The following VMP1 variants were observed in gnomAD, a reference collection of about 807,000 sequenced individuals.
VMP1 encodes the protein ectopic P-granules autophagy protein 3 homolog.
VMP1 carries 11 observed loss-of-function variants against 56.0 expected under a neutral mutation model. The observed-to-expected ratio is 0.20, with a 90% CI of 0.12 to 0.32. The LOEUF (loss-of-function observed/expected upper bound fraction) is 0.32, where lower values mean the gene tolerates loss of function less well. Ranked by LOEUF, VMP1 falls within the 10% of genes least tolerant of loss-of-function variation. The pLI is 1.00. For synonymous variants in VMP1, 149 were observed against 165.0 expected (o/e 0.90, Z 0.74); for missense variants, 296 against 490.3 (o/e 0.60, Z 3.74).
intron 6 of VMP1, among the ~76,000 whole-genome samples, chr17:59,767,994 C>T (rs2036290536): frequency 6.6e-6 from 1 of 151,870 alleles, no homozygotes; most frequent in Non-Finnish European, 1.5e-5. Context: ...CCTGTATTCT[C>T]AGTGACTTGG....
At chr17:59,723,885 G>A (rs1488285688) in intron 1 of VMP1, among the ~76,000 whole-genome samples, 1 of 152,142 alleles carries the variant, frequency 6.6e-6, no homozygotes, top group Non-Finnish European at 1.5e-5. Flanking sequence ...ATAGTAGTGG[G>A]ATTGGTGAAT....
chr17:59,841,269 C>G lies in VMP1; in HGVS notation c.*1358C>G, dbSNP rs749388493. On this transcript the variant is annotated 3_prime_UTR_variant, in exon 12 of 12. Transcript: ENST00000262291. ...CATCTCCATGGCTGTACCACCTTGT[C>G]GGGTAGCTTATCAGACTGATGTTGA... 2.0e-6 allele frequency: 1 copy of G among 505,200 alleles called. No homozygotes were observed. The highest frequency in any genetic ancestry group is 5.7e-5 in the East Asian group (1 of 17,618). 31.3% of individuals were successfully genotyped at this position (505,200 alleles called of 1,614,324 possible).
At chr17:59,750,521 C>T (rs567073130) in intron 5 of VMP1, among the ~76,000 whole-genome samples, 5 of 152,066 alleles carry the variant, frequency 3.3e-5, no homozygotes, top group South Asian at 4.1e-4. Context: ...AGGCTGGCCT[C>T]GACCTCCTGA....
chr17:59,839,959 T>A lies in VMP1; in HGVS notation c.*48T>A. 2.5e-6 allele frequency: 4 copies of A among 1,587,262 alleles called. No homozygotes were observed. Among genetic ancestry groups the A allele is most frequent in the African/African-American group, 1.4e-5 (1 of 73,136 alleles). ...GAAATTGGAGTGGATGGGTTCTGCC[T>A]TAAATTGGGAGGACTCCAAGCCGGG... On this transcript the variant is annotated 3_prime_UTR_variant, in exon 12 of 12. Coordinates refer to ENST00000262291, the MANE Select transcript of VMP1 (RefSeq NM_030938.5).
At chr17:59,820,965 C>CT (rs201428600) in intron 10 of VMP1, among the ~76,000 whole-genome samples, 37 of 146,672 alleles carry the variant, frequency 2.5e-4, no homozygotes, top group African/African-American at 6.3e-4. Context: ...GTCTTTCTTT[C>CT]TTTTTTTTGT....
At chr17:59,782,335 T>C (rs917851595) in intron 7 of VMP1, among the ~76,000 whole-genome samples, 1 of 152,228 alleles carries the variant, frequency 6.6e-6, no homozygotes, top group Non-Finnish European at 1.5e-5. Flanking sequence ...TAATTGTATA[T>C]TGTTCCAACA....
In VMP1 at chr17:59,738,953, A is replaced by G. The variant is rs200807537; in HGVS notation, c.414+6A>G. 1.9e-6 allele frequency: 3 copies of G among 1,564,764 alleles called. No homozygotes were observed. The highest frequency in any genetic ancestry group is 4.6e-5 in the East Asian group (2 of 43,414). ...ACACCTTTCTGCTTTATCTGGTAAGAATAATTTTATTTTAATAAGCAAAAA... is the reference window on the plus strand; with the variant it reads ...ACACCTTTCTGCTTTATCTGGTAAGGATAATTTTATTTTAATAAGCAAAAA... On this transcript the variant is annotated splice_donor_region_variant and intron_variant, in intron 5 of 11. Coordinates refer to ENST00000262291, the MANE Select transcript of VMP1 (RefSeq NM_030938.5).
At chr17:59,781,176 G>C (rs2036810129) in intron 7 of VMP1, among the ~76,000 whole-genome samples, 1 of 152,082 alleles carries the variant, frequency 6.6e-6, no homozygotes, top group African/African-American at 2.4e-5. Context: ...TTCTTGCTAT[G>C]GCTTGGCAAA....
intron 10 of VMP1, among the ~76,000 whole-genome samples, 200 bp downstream of exon 10, chr17:59,817,973 AATTGTAAACCAAAC>A (rs761077991): frequency 6.0e-4 from 92 of 152,156 alleles, no homozygotes; most frequent in Non-Finnish European, 1.2e-3. Flanking sequence ...ATCCCTGTTT[AATTGTAAACCAAAC>A]ATCTATCAAG....
chr17:59,817,847 T>C, intron 10 of VMP1, 74 bp downstream of exon 10: 2 of 1,192,126 alleles, frequency 1.7e-6, no homozygotes, highest in South Asian at 1.6e-5. Context: ...AAGACTGAAT[T>C]GAAATAGAAT....
At chr17:59,812,162 T>G (rs747524762) in intron 9 of VMP1, among the ~76,000 whole-genome samples, 2 of 152,220 alleles carry the variant, frequency 1.3e-5, no homozygotes, top group Non-Finnish European at 2.9e-5. Flanking sequence ...TGTTTTGTTT[T>G]ACCAACCACA....
intron 10 of VMP1, among the ~76,000 whole-genome samples, chr17:59,830,260 A>G (rs2038766315): frequency 1.3e-5 from 2 of 151,998 alleles, no homozygotes; most frequent in South Asian, 4.1e-4. Flanking sequence ...AGGAGGTCTC[A>G]CTATATTGCC....
At chr17:59,824,845 C>A (rs952839871) in intron 10 of VMP1, among the ~76,000 whole-genome samples, 1 of 144,088 alleles carries the variant, frequency 6.9e-6, no homozygotes, top group Non-Finnish European at 1.5e-5. Flanking sequence ...TGCACTCCAG[C>A]CTGGGTGACA....
intron 9 of VMP1, among the ~76,000 whole-genome samples, chr17:59,813,571 C>CA (rs35095805): frequency 0.33 from 36,351 of 109,904 alleles, 4,770 homozygotes; most frequent in East Asian, 0.51. Context: ...GAGTTTGTCT[C>CA]AAAAAAAAAA....
intron 7 of VMP1, among the ~76,000 whole-genome samples, chr17:59,803,366 T>C (rs1455517232): frequency 6.6e-6 from 1 of 152,228 alleles, no homozygotes; most frequent in African/African-American, 2.4e-5. Flanking sequence ...AGTCTTGTAG[T>C]GCTTGGGAAA....
chr17:59,774,049 A>G (rs2036533303), intron 7 of VMP1, among the ~76,000 whole-genome samples, 164 bp downstream of exon 7: 1 of 152,148 alleles, frequency 6.6e-6, no homozygotes, highest in African/African-American at 2.4e-5. Flanking sequence ...AGGTCAAAAT[A>G]TAAAAGATAA....
chr17:59,747,774 C>T (rs1156460087), intron 5 of VMP1, among the ~76,000 whole-genome samples: 1 of 151,748 alleles, frequency 6.6e-6, no homozygotes, highest in Non-Finnish European at 1.5e-5. Flanking sequence ...GAACACCTAT[C>T]GTCCTAGCTA....
intron 3 of VMP1, among the ~76,000 whole-genome samples, chr17:59,737,045 A>G (rs190220181): frequency 2.0e-5 from 3 of 152,310 alleles, no homozygotes; most frequent in Non-Finnish European, 4.4e-5. Flanking sequence ...AAAAAAAAAT[A>G]AAAATAAGTA....
rs951501494 is a variant in VMP1, at chr17:59,810,439, A to G, written c.796-1231A>G. Among the ~76,000 whole-genome samples the G allele has an allele frequency of 2.6e-5, 4 of 152,234 alleles. No individual in the cohort carries two copies. The South Asian group carries it at 8.3e-4, about 32-fold the overall frequency. On this transcript the variant is annotated intron_variant, in intron 8 of 11. Transcript: ENST00000262291. ...AAAGTGCTGGGATTATAGGCATAAG[A>G]CACTGCGCCCAGCCTACATATCTTA...
Sources: allele counts gnomAD v4.1 joint callset (sites outside exome capture counted in the v4.1 genomes callset), GRCh38; gene constraint gnomAD v4.1.1; transcripts MANE v1.5; gene names NCBI Gene and HGNC (gene_info 2026-07-23, HGNC 2026-07-21).